FCHSD2: variants seen among roughly 807,000 people sequenced by gnomAD.
FCHSD2 encodes the protein F-BAR and double SH3 domains protein 2.
FCHSD2 carries 38 observed loss-of-function variants against 108.1 expected under a neutral mutation model. That is an observed-to-expected ratio of 0.35 (90% CI 0.27 to 0.46). FCHSD2 has a LOEUF of 0.46. Among genes scored for constraint, FCHSD2 ranks in the 20% least tolerant of loss-of-function variants. FCHSD2 has a pLI of 1.00. For synonymous variants in FCHSD2, 279 were observed against 314.7 expected (o/e 0.89, Z 1.20); for missense variants, 751 against 897.8 (o/e 0.84, Z 2.09).
At chr11:73,061,078 G>A (rs934899179) in intron 3 of FCHSD2, among the ~76,000 whole-genome samples, 18 of 152,240 alleles carry the variant, frequency 1.2e-4, no homozygotes, top group African/African-American at 4.3e-4. Flanking sequence ...CCTCGCAGAA[G>A]GCAGATGATT....
intron 8 of FCHSD2, among the ~76,000 whole-genome samples, chr11:72,969,592 G>A (rs1856972410): frequency 1.3e-5 from 2 of 152,090 alleles, no homozygotes; most frequent in African/African-American, 4.8e-5. Context: ...CAGAATACAA[G>A]AAGCATCGAA....
chr11:72,852,910 GTTCTCACT>G (rs1271431793), intron 13 of FCHSD2, among the ~76,000 whole-genome samples: 1 of 152,144 alleles, frequency 6.6e-6, no homozygotes, highest in African/African-American at 2.4e-5. Flanking sequence ...AATACTGCAT[GTTCTCACT>G]AATAAGTGGG....
At position 72,900,636 on chromosome 11, in the gene FCHSD2, G is replaced by A. The variant is rs1353187395; in HGVS notation, c.924+1907C>T. On this transcript the variant is annotated intron_variant, in intron 10 of 19. Coordinates refer to ENST00000409418, the MANE Select transcript of FCHSD2 (RefSeq NM_014824.3). The stretch of plus-strand genomic sequence containing the variant: ...CAGGCTTCAAAGAAGTCAAATCACA[G>A]GAGAATGTGAATAAGTCATTGGCAA... 2.7e-5 allele frequency among the ~76,000 whole-genome samples: 4 copies of A among 149,894 alleles called. No individual in the cohort carries two copies. In the East Asian group the frequency reaches 7.8e-4, roughly 29 times the overall value.
Position 72,837,571 on chromosome 11 carries a change from G to C in FCHSD2, c.*1220C>G, listed in dbSNP as rs1860769064. 6.6e-6 allele frequency: 1 copy of C among 152,152 alleles called. No homozygotes were observed. The highest frequency in any genetic ancestry group is 1.5e-5 in the Non-Finnish European group (1 of 68,024). 9.4% of individuals were successfully genotyped at this position (152,152 alleles called of 1,614,324 possible). On this transcript the variant is annotated 3_prime_UTR_variant, in exon 20 of 20. Transcript: ENST00000409418. ...ACAGCAGACAGTCAGCACCTGACGT[G>C]GGGGCACCTGCTGCTGCAGGCTTGC...
At chr11:73,140,869 G>C (rs998248038) in intron 1 of FCHSD2, among the ~76,000 whole-genome samples, 16 of 152,180 alleles carry the variant, frequency 1.1e-4, no homozygotes, top group African/African-American at 3.6e-4. Flanking sequence ...CTGGAATCTC[G>C]GCCTCAGCAG....
chr11:72,881,256 A>T (rs1359065564), intron 12 of FCHSD2, among the ~76,000 whole-genome samples: 2 of 152,216 alleles, frequency 1.3e-5, no homozygotes, highest in Non-Finnish European at 2.9e-5. Context: ...ATAATGGCCA[A>T]CAGGTATATG....
At chr11:72,917,984 C>T (rs902018027) in intron 9 of FCHSD2, among the ~76,000 whole-genome samples, 3 of 152,038 alleles carry the variant, frequency 2.0e-5, no homozygotes, top group Non-Finnish European at 4.4e-5. Flanking sequence ...CTGTAGATCA[C>T]TTTGGGGAAT....
At position 73,142,031 on chromosome 11, in the gene FCHSD2, C is replaced by G; in HGVS notation, c.-154G>C. On this transcript the variant is annotated 5_prime_UTR_variant, in exon 1 of 20. Coordinates refer to ENST00000409418, the MANE Select transcript of FCHSD2 (RefSeq NM_014824.3). ...ACTTGCCCCGGAGGGAGCAGGCCAG[C>G]GGGCGGCAGGCGGACCCCAGCCAGA... 1 of 678,524 alleles carries G rather than the reference C, an allele frequency of 1.5e-6. No homozygotes were observed. Among genetic ancestry groups the G allele is most frequent in the Non-Finnish European group, 2.4e-6 (1 of 416,894 alleles). The allele number at this position is 678,524 out of a possible 1,614,324, so 42.0% of individuals were successfully genotyped here. A position where few individuals can be genotyped will look rare whatever the true frequency, so the allele number is the denominator to read the frequency against.
chr11:73,068,813 T>TAAAA (rs1237723120), intron 3 of FCHSD2, among the ~76,000 whole-genome samples: 5 of 83,048 alleles, frequency 6.0e-5, no homozygotes, highest in Non-Finnish European at 1.1e-4. Flanking sequence ...CTACAAAAAG[T>TAAAA]AAAAAAAAAA....
intron 2 of FCHSD2, among the ~76,000 whole-genome samples, chr11:73,121,161 A>C (rs1003957697): frequency 8.7e-5 from 13 of 149,964 alleles, no homozygotes; most frequent in Non-Finnish European, 1.9e-4. Flanking sequence ...TCTCTCTCTT[A>C]TACACATACA....
At chr11:73,037,384 CAT>C (rs1333543533) in intron 3 of FCHSD2, among the ~76,000 whole-genome samples, 2 of 152,164 alleles carry the variant, frequency 1.3e-5, no homozygotes, top group Non-Finnish European at 2.9e-5. Flanking sequence ...ATTACAGTAT[CAT>C]AGGGAGTTAT....
rs80319951 is a variant in FCHSD2, at chr11:73,099,808, G to A, written c.120-16068C>T. The stretch of plus-strand genomic sequence containing the variant: ...GCGGGGCTGTGGCTAGAAAGAGTGC[G>A]AAGGGAAGCCAGGAGAGGCGGCACC... On this transcript the variant is annotated intron_variant, in intron 2 of 19. Coordinates refer to ENST00000409418, the MANE Select transcript of FCHSD2 (RefSeq NM_014824.3). 5.2e-3 allele frequency among the ~76,000 whole-genome samples: 790 copies of A among 152,278 alleles called. 11 individuals carry two copies. Among genetic ancestry groups the A allele is most frequent in the African/African-American group, 0.018 (763 of 41,558 alleles).
At chr11:73,114,287 T>C (rs1413093496) in intron 2 of FCHSD2, among the ~76,000 whole-genome samples, 1 of 151,986 alleles carries the variant, frequency 6.6e-6, no homozygotes, top group Non-Finnish European at 1.5e-5. Flanking sequence ...TTCAGTCATC[T>C]TGTGGTGAAT....
intron 3 of FCHSD2, among the ~76,000 whole-genome samples, chr11:73,039,314 T>C (rs1383256021): frequency 2.6e-5 from 4 of 152,078 alleles, no homozygotes; most frequent in African/African-American, 9.7e-5. Context: ...GGTCAGGAGT[T>C]GGAGACCAGC....
At chr11:73,047,581 T>C (rs1858798660) in intron 3 of FCHSD2, among the ~76,000 whole-genome samples, 1 of 152,168 alleles carries the variant, frequency 6.6e-6, no homozygotes, top group Non-Finnish European at 1.5e-5. Context: ...AAATAAAGTA[T>C]TAACCTATCA....
chr11:72,870,038 C>CTGT (rs1183106013), intron 12 of FCHSD2, among the ~76,000 whole-genome samples: 1 of 152,180 alleles, frequency 6.6e-6, no homozygotes, highest in South Asian at 2.1e-4. Context: ...GTCCCACTTG[C>CTGT]TGTTCCTCTG....
At chr11:73,120,481 G>A (rs1340103837) in intron 2 of FCHSD2, among the ~76,000 whole-genome samples, 1 of 152,158 alleles carries the variant, frequency 6.6e-6, no homozygotes, top group Non-Finnish European at 1.5e-5. Flanking sequence ...CGTAATCCTG[G>A]CACTTTGGGA....
At chr11:72,929,714 C>A (rs940541990) in intron 8 of FCHSD2, among the ~76,000 whole-genome samples, 1 of 152,098 alleles carries the variant, frequency 6.6e-6, no homozygotes, top group Non-Finnish European at 1.5e-5. Flanking sequence ...AAAAAGCCAA[C>A]GATCAGAATA....
chr11:72,840,839 A>G, intron 19 of FCHSD2, 38 bp downstream of exon 19: 5 of 1,413,170 alleles, frequency 3.5e-6, no homozygotes, highest in Non-Finnish European at 5.0e-6. Flanking sequence ...ATTTGGAAGA[A>G]CTATGCATTC....
Sources: gnomAD v4.1 joint callset for allele counts (sites outside exome capture counted in the v4.1 genomes callset) on GRCh38, gnomAD v4.1.1 for gene constraint, MANE v1.5 for transcripts, NCBI Gene and HGNC (gene_info 2026-07-23, HGNC 2026-07-21) for gene names.